CNTFR: variants seen among roughly 807,000 people sequenced by gnomAD.
The protein encoded by CNTFR is ciliary neurotrophic factor receptor subunit alpha.
A neutral mutation model predicts 40.4 loss-of-function variants in CNTFR; 12 were observed. The ratio of observed to expected loss-of-function variants is 0.30; its 90% CI spans 0.19 to 0.48. The LOEUF is 0.48. Among genes scored for constraint, CNTFR ranks in the 20% least tolerant of loss-of-function variants. The pLI, the probability that CNTFR is intolerant of heterozygous loss-of-function variation, is 0.99. For synonymous variants in CNTFR, 202 were observed against 209.6 expected, an observed-to-expected ratio of 0.96 and a Z score of 0.31; for missense variants, 414 against 506.8, an observed-to-expected ratio of 0.82 and a Z score of 1.76.
At chr9:34,579,411 G>A (rs568628389) in intron 2 of CNTFR, among the ~76,000 whole-genome samples, 1 of 152,292 alleles carries the variant, frequency 6.6e-6, no homozygotes, top group Non-Finnish European at 1.5e-5. Flanking sequence ...GGGGGAGAAG[G>A]AGGGGGGTGG....
intron 1 of CNTFR, among the ~76,000 whole-genome samples, chr9:34,584,731 A>G (rs1827469636): frequency 6.6e-6 from 1 of 152,174 alleles, no homozygotes; most frequent in African/African-American, 2.4e-5. Context: ...CCACATAGGG[A>G]AAAAAGGACC....
In CNTFR at chr9:34,572,783, A is replaced by C. The variant is rs554179267; in HGVS notation, c.1-3802T>G. 1.4e-4 allele frequency among the ~76,000 whole-genome samples: 22 copies of C among 152,372 alleles called. No homozygotes were observed. In the South Asian group the frequency reaches 4.1e-3, roughly 29 times the overall value. ...GATGTTGACAGTCACCACGATGACA[A>C]TAATGCAGTGAGTGACAGTCACATA... is the stretch of plus-strand genomic sequence containing the variant. On this transcript the variant is annotated intron_variant, in intron 2 of 9. Coordinates refer to ENST00000378980, the MANE Select transcript of CNTFR (RefSeq NM_147164.3).
chr9:34,558,076 C>G, intron 4 of CNTFR, 92 bp from the exon 5 acceptor site: 1 of 861,414 alleles, frequency 1.2e-6, no homozygotes. Context: ...CCCCAGCTCT[C>G]CCCCCTCAAC....
intron 2 of CNTFR, among the ~76,000 whole-genome samples, chr9:34,570,363 C>T (rs879840655): frequency 6.6e-6 from 1 of 152,220 alleles, no homozygotes; most frequent in South Asian, 2.1e-4. Flanking sequence ...CCACCAGAAA[C>T]ACTGTAAAGG....
At chr9:34,589,816 G>T (rs1422241118), upstream of CNTFR, 1 of 141,454 alleles carries the variant, frequency 7.1e-6, no homozygotes, top group South Asian at 2.0e-4. The surrounding 1 kb of genome is among the most constrained non-coding windows in gnomAD (Gnocchi z 4.4). Context: ...ATGTGACCGC[G>T]GGCGCCCGCT....
intron 1 of CNTFR, among the ~76,000 whole-genome samples, chr9:34,583,356 T>G (rs1240836803): frequency 1.3e-5 from 2 of 152,200 alleles, no homozygotes; most frequent in African/African-American, 4.8e-5. Flanking sequence ...GGCCCACATC[T>G]GGGATGCAGA....
At chr9:34,571,938 A>T (rs977601779) in intron 2 of CNTFR, among the ~76,000 whole-genome samples, 3 of 152,066 alleles carry the variant, frequency 2.0e-5, no homozygotes, top group African/African-American at 7.2e-5. Flanking sequence ...TCAAGGGCAG[A>T]GGGAGAGACA....
chr9:34,579,767 T>A lies in CNTFR; in HGVS notation c.-1+1328A>T, dbSNP rs941082849. Among the ~76,000 whole-genome samples, 3 of 152,220 alleles carry A rather than the reference T, an allele frequency of 2.0e-5. No homozygotes were observed. The South Asian group carries it at 6.2e-4, about 32-fold the overall frequency. On this transcript the variant is annotated intron_variant, in intron 2 of 9. Transcript: ENST00000378980. Reference sequence around the variant, plus strand: ...TGGGAGACAGCAGATATTCTTTATTTCCAAAAACCGTTTTTCATCCACTTT... The same window carrying A: ...TGGGAGACAGCAGATATTCTTTATTACCAAAAACCGTTTTTCATCCACTTT...
rs147353716 is a variant in CNTFR at position 34,572,931 on chromosome 9, A to G, written c.1-3950T>C. On this transcript the variant is annotated intron_variant, in intron 2 of 9. Coordinates refer to ENST00000378980, the MANE Select transcript of CNTFR (RefSeq NM_147164.3). ...ATCGAGTCACACTGACGGTGACATC[A>G]ACACAGTGACACAGCAATGTTGATA... Among the ~76,000 whole-genome samples the G allele has an allele frequency of 2.1e-3, 322 of 152,356 alleles. 2 individuals carry two copies. The highest frequency in any genetic ancestry group is 7.3e-3 in the African/African-American group (304 of 41,578).
chr9:34,557,165 C>T lies in CNTFR; in HGVS notation c.604+361G>A, dbSNP rs1248267310. 7.1e-6 allele frequency among the ~76,000 whole-genome samples: 1 copy of T among 140,798 alleles called. No individual in the cohort carries two copies. Among genetic ancestry groups the T allele is most frequent in the African/African-American group, 2.6e-5 (1 of 38,886 alleles). 92.4% of individuals were successfully genotyped at this position (140,798 alleles called of 152,430 possible). On this transcript the variant is annotated intron_variant, in intron 6 of 9. Transcript: ENST00000378980. This position sits in a 1 kb window ranked among gnomAD's most constrained non-coding sequence, Gnocchi z 4.2. ...TCTCCTGTTCTGACACCTCATTCAT[C>T]ACAGTCCGTAAGGAAGCCATTAGAG...
At chr9:34,555,112 G>A (rs776747221) in intron 7 of CNTFR, among the ~76,000 whole-genome samples, 30 of 152,370 alleles carry the variant, frequency 2.0e-4, no homozygotes, top group Non-Finnish European at 3.4e-4. Context: ...GCGCCGCGAC[G>A]CGCGGGGCTG....
chr9:34,581,729 T>A (rs1244776762), intron 1 of CNTFR, among the ~76,000 whole-genome samples: 1 of 152,218 alleles, frequency 6.6e-6, no homozygotes, highest in Non-Finnish European at 1.5e-5. Flanking sequence ...TCACATTTGA[T>A]AACCAAGGAG....
intron 3 of CNTFR, among the ~76,000 whole-genome samples, chr9:34,568,551 A>G (rs374918052): frequency 4.6e-5 from 7 of 152,088 alleles, no homozygotes; most frequent in African/African-American, 1.7e-4. Flanking sequence ...GGTGCCTCCA[A>G]CTGCACCCCA....
At chr9:34,576,926 C>T in intron 2 of CNTFR, among the ~76,000 whole-genome samples, 2 of 152,248 alleles carry the variant, frequency 1.3e-5, no homozygotes, top group East Asian at 3.8e-4. Flanking sequence ...TCTGGCCTGG[C>T]TGCAGAAAGG....
chr9:34,577,894 A>G (rs4284113), intron 2 of CNTFR, among the ~76,000 whole-genome samples: 134,337 of 151,054 alleles, frequency 0.89, 60,356 homozygotes, highest in Non-Finnish European at 0.96. Flanking sequence ...CGGGGGGCGG[A>G]GGCCGAGAAA....
Position 34,577,130 on chromosome 9 carries a change from G to A in CNTFR, c.-1+3965C>T, listed in dbSNP as rs115527855. On this transcript the variant is annotated intron_variant, in intron 2 of 9. Transcript: ENST00000378980. ...AGGTGTCCTTGGACCCTGCAGCCCC[G>A]CCCCCATCACTGGAGGAGTAGACGC... Among the ~76,000 whole-genome samples the A allele has an allele frequency of 5.1e-3, 784 of 152,330 alleles. 7 individuals carry two copies. Among genetic ancestry groups the A allele is most frequent in the African/African-American group, 0.017 (726 of 41,586 alleles).
chr9:34,558,934 G>C (rs1209435099), intron 4 of CNTFR, among the ~76,000 whole-genome samples: 1 of 152,176 alleles, frequency 6.6e-6, no homozygotes, highest in Non-Finnish European at 1.5e-5. Flanking sequence ...TTGCTGCCGT[G>C]AGCACTTAGC....
intron 2 of CNTFR, among the ~76,000 whole-genome samples, chr9:34,578,772 C>T (rs2132240030): frequency 1.3e-5 from 2 of 152,320 alleles, no homozygotes; most frequent in East Asian, 3.9e-4. Flanking sequence ...GCACGGGGCC[C>T]CAACTCTATT....
rs1006052219 is a variant in CNTFR at position 34,552,967 on chromosome 9, G to A, written c.769-113C>T. On this transcript the variant is annotated intron_variant, in intron 7 of 9. Coordinates refer to ENST00000378980, the MANE Select transcript of CNTFR (RefSeq NM_147164.3). The surrounding 1 kb of genome is among the most constrained non-coding windows in gnomAD (Gnocchi z 5.1). ...GGAGAGGAGAGTAAAGGGCTCTGGG[G>A]GCAGTGAGGACTTCCCTGAGGAGAA... The A allele has an allele frequency of 9.0e-6, 9 of 996,354 alleles. No individual in the cohort carries two copies. The highest frequency in any genetic ancestry group is 1.4e-5 in the Non-Finnish European group (9 of 666,638). The allele number at this position is 996,354 out of a possible 1,614,324, so 61.7% of individuals were successfully genotyped here.
Sources: gnomAD v4.1 joint callset for allele counts (sites outside exome capture counted in the v4.1 genomes callset) on GRCh38, gnomAD v4.1.1 for gene constraint, Gnocchi (gnomAD v3.1) non-coding constraint, MANE v1.5 for transcripts, NCBI Gene and HGNC (gene_info 2026-07-23, HGNC 2026-07-21) for gene names.